ZFAND3: variants seen among roughly 807,000 people sequenced by gnomAD.
ZFAND3 encodes the protein zinc finger AN1-type containing 3, also known as AN1-type zinc finger protein 3.
Under a neutral mutation model 29.6 loss-of-function variants are expected in ZFAND3, and 10 were observed. The observed-to-expected ratio is 0.34, with a 90% CI of 0.21 to 0.57. The LOEUF (loss-of-function observed/expected upper bound fraction) is 0.57, where lower values mean the gene tolerates loss of function less well. Ranked by LOEUF, ZFAND3 falls within the 20% of genes least tolerant of loss-of-function variation. The pLI, the probability that ZFAND3 is intolerant of heterozygous loss-of-function variation, is 0.86. For missense variants in ZFAND3, 230 were observed against 304.5 expected (o/e 0.76, Z 1.82); for synonymous variants, 128 against 112.6 (o/e 1.14, Z -0.87).
intron 2 of ZFAND3, among the ~76,000 whole-genome samples, chr6:38,049,052 TA>T (rs1015488889): frequency 1.3e-5 from 2 of 152,186 alleles, no homozygotes; most frequent in Admixed American, 1.3e-4. Context: ...AGGTGAGACT[TA>T]CACTTGCCAG....
intron 2 of ZFAND3, among the ~76,000 whole-genome samples, chr6:37,935,426 C>T (rs534804797): frequency 2.0e-5 from 3 of 151,834 alleles, no homozygotes; most frequent in South Asian, 4.2e-4. Flanking sequence ...ATATAAAAAG[C>T]GAGAAAATTT....
At chr6:37,919,742 A>C (rs1761337311) in intron 1 of ZFAND3, among the ~76,000 whole-genome samples, 1 of 152,186 alleles carries the variant, frequency 6.6e-6, no homozygotes, top group Non-Finnish European at 1.5e-5. Context: ...TACTATTTGT[A>C]ATCACTCTCC....
At chr6:37,909,268 C>CT (rs761746825) in intron 1 of ZFAND3, among the ~76,000 whole-genome samples, 144 of 141,490 alleles carry the variant, frequency 1.0e-3, no homozygotes, top group Non-Finnish European at 1.8e-3. Context: ...GATTTTTTTT[C>CT]TTTTTTTCTT....
chr6:38,049,954 T>TATTTTATTTTTTTTA (rs1466452488), intron 2 of ZFAND3, among the ~76,000 whole-genome samples: 1,607 of 10,748 alleles, frequency 0.15, 153 homozygotes, highest in East Asian at 0.55. Flanking sequence ...AATTTTTTTT[T>TATTTTATTTTTTTTA]TTTTTTTTTT....
chr6:37,946,562 AT>A (rs926824218), intron 2 of ZFAND3, among the ~76,000 whole-genome samples: 5 of 152,012 alleles, frequency 3.3e-5, no homozygotes, highest in Admixed American at 2.6e-4. Flanking sequence ...ATTGTGACCT[AT>A]TTTTTTCCCC....
At chr6:37,988,561 T>C (rs1012516795) in intron 2 of ZFAND3, among the ~76,000 whole-genome samples, 3 of 152,254 alleles carry the variant, frequency 2.0e-5, no homozygotes, top group Non-Finnish European at 4.4e-5. Flanking sequence ...ATAAGCTTAC[T>C]GTTTTTTGTT....
chr6:37,846,704 A>ATTTTTTTTTTTTTGTTTTTT (rs1451066193), intron 1 of ZFAND3, among the ~76,000 whole-genome samples: 1 of 140,898 alleles, frequency 7.1e-6, no homozygotes. Flanking sequence ...TATACTTGTG[A>ATTTTTTTTTTTTTGTTTTTT]TTTTTTTTTT....
intron 2 of ZFAND3, among the ~76,000 whole-genome samples, chr6:38,050,798 A>G (rs1294329769): frequency 1.3e-5 from 2 of 152,174 alleles, no homozygotes; most frequent in African/African-American, 4.8e-5. Flanking sequence ...AATATAACAT[A>G]TTGTATTTCT....
At chr6:37,844,885 G>A (rs941655940) in intron 1 of ZFAND3, among the ~76,000 whole-genome samples, 5 of 151,262 alleles carry the variant, frequency 3.3e-5, no homozygotes, top group Non-Finnish European at 4.4e-5. Flanking sequence ...TTAGCCAGGC[G>A]TTGTGGCGGG....
chr6:37,875,051 T>G (rs1262854979), intron 1 of ZFAND3, among the ~76,000 whole-genome samples: 1 of 152,204 alleles, frequency 6.6e-6, no homozygotes, highest in Non-Finnish European at 1.5e-5. Context: ...CTTGTGTACC[T>G]TTCAAATACA....
intron 1 of ZFAND3, among the ~76,000 whole-genome samples, chr6:37,844,875 T>G (rs1764148851): frequency 6.6e-6 from 1 of 150,714 alleles, no homozygotes; most frequent in South Asian, 2.1e-4. Context: ...ATACAAAAAA[T>G]TAGCCAGGCG....
At chr6:38,047,272 G>A (rs950438464) in intron 2 of ZFAND3, among the ~76,000 whole-genome samples, 11 of 150,306 alleles carry the variant, frequency 7.3e-5, no homozygotes, top group South Asian at 6.3e-4. Context: ...CCAAGATCAC[G>A]CCACTGCACT....
chr6:37,985,500 C>CACACACACAT (rs1491281745), intron 2 of ZFAND3, among the ~76,000 whole-genome samples: 31 of 3,388 alleles, frequency 9.1e-3, no homozygotes, highest in African/African-American at 0.019. Flanking sequence ...CTTGTGGTTC[C>CACACACACAT]ACACACACAC....
chr6:37,832,434 A>G (rs1763879686), intron 1 of ZFAND3, among the ~76,000 whole-genome samples: 1 of 152,206 alleles, frequency 6.6e-6, no homozygotes, highest in Admixed American at 6.5e-5. Flanking sequence ...CCAAAGTGAA[A>G]TTGGAGAAGC....
intron 1 of ZFAND3, among the ~76,000 whole-genome samples, chr6:37,873,515 A>G (rs1389009912): frequency 1.3e-5 from 2 of 151,884 alleles, no homozygotes; most frequent in Admixed American, 6.6e-5. Flanking sequence ...GGTATTTTAT[A>G]TAGTTTTATC....
chr6:37,826,820 T>G (rs1260541396), intron 1 of ZFAND3, among the ~76,000 whole-genome samples: 1 of 152,058 alleles, frequency 6.6e-6, no homozygotes, highest in Non-Finnish European at 1.5e-5. Context: ...CTGCCCAGTA[T>G]GGTGGCCATT....
At chr6:38,007,543 T>TCAAAA (rs1209644722) in intron 2 of ZFAND3, among the ~76,000 whole-genome samples, 2 of 152,110 alleles carry the variant, frequency 1.3e-5, no homozygotes, top group Non-Finnish European at 2.9e-5. Flanking sequence ...AGACCCTGTT[T>TCAAAA]CAATTTAAAA....
At chr6:37,831,589 G>A (rs1763863028) in intron 1 of ZFAND3, among the ~76,000 whole-genome samples, 1 of 152,206 alleles carries the variant, frequency 6.6e-6, no homozygotes, top group African/African-American at 2.4e-5. Flanking sequence ...ACTCTAATGG[G>A]CAGCTTACCT....
intron 2 of ZFAND3, among the ~76,000 whole-genome samples, chr6:38,005,261 A>C (rs2127441366): frequency 6.6e-6 from 1 of 152,318 alleles, no homozygotes; most frequent in South Asian, 2.1e-4. Context: ...CTCACTCTGC[A>C]GATCTGTCGA....
Sources: gnomAD v4.1 joint callset for allele counts (sites outside exome capture counted in the v4.1 genomes callset) on GRCh38, gnomAD v4.1.1 for gene constraint, MANE v1.5 for transcripts, NCBI Gene and HGNC (gene_info 2026-07-23, HGNC 2026-07-21) for gene names.